Variants in DMD observed in about 807,000 individuals in gnomAD.
DMD encodes the protein dystrophin, also known as mutant dystrophin.
DMD carries 63 observed loss-of-function variants against 330.1 expected under a neutral mutation model. That is an observed-to-expected ratio of 0.19 (90% confidence interval 0.16 to 0.24). DMD has a LOEUF of 0.24. Among genes scored for constraint, DMD ranks in the 10% least tolerant of loss-of-function variants. DMD has a pLI of 1.00. For missense variants in DMD, 3,344 were observed against 2,684.1 expected (o/e 1.25, Z -5.43); for synonymous variants, 1,223 against 959.8 (o/e 1.27, Z -5.07).
intron 47 of DMD, among the ~76,000 whole-genome samples, chrX:31,889,655 A>T (rs1277903500): frequency 1.3e-5 from 1 of 74,861 alleles, no homozygotes; most frequent in Non-Finnish European, 2.7e-5. Context: ...TCTCACACAC[A>T]CACACACACA....
At chrX:32,606,660 C>A (rs1481191334) in intron 12 of DMD, among the ~76,000 whole-genome samples, 2 of 107,918 alleles carry the variant, frequency 1.9e-5, no homozygotes, top group African/African-American at 6.7e-5. Context: ...CCTAAGCGTC[C>A]ATCAGTAAAT....
At chrX:33,046,258 A>AAGAT (rs2094380227) in intron 1 of DMD, among the ~76,000 whole-genome samples, 1 of 111,118 alleles carries the variant, frequency 9.0e-6, no homozygotes, top group South Asian at 3.8e-4. Context: ...CTGTTAAATT[A>AAGAT]AAAGAGGAAC....
chrX:31,399,794 CATT>C (rs2061106388), intron 60 of DMD, among the ~76,000 whole-genome samples: 1 of 111,411 alleles, frequency 9.0e-6, no homozygotes, highest in African/African-American at 3.3e-5. Context: ...AAGGCCAAAT[CATT>C]AATAGTCACT....
intron 55 of DMD, among the ~76,000 whole-genome samples, chrX:31,519,214 T>C (rs773026281): frequency 1.8e-5 from 2 of 112,272 alleles, no homozygotes; most frequent in East Asian, 5.6e-4. Context: ...GTGCAATTTG[T>C]CTATATTACA....
intron 44 of DMD, among the ~76,000 whole-genome samples, chrX:32,138,970 A>G (rs1056251627): frequency 3.6e-5 from 4 of 112,607 alleles, no homozygotes; most frequent in Non-Finnish European, 7.5e-5. Flanking sequence ...CGACTAACTT[A>G]GACCACTGGA....
rs12013579 is a variant in DMD at position 32,632,199 on chromosome X, A to C, written c.1331+11933T>G. On this transcript the variant is annotated intron_variant, in intron 11 of 78. Transcript: ENST00000357033. ...CCCAGCAGGGTAGTCATTAAATCTT[A>C]AAACTCCAAAATTATCTGCTTTGAC... Among the ~76,000 whole-genome samples, 453 of 112,176 alleles carry C rather than the reference A, an allele frequency of 4.0e-3. 4 individuals are homozygous for C. The highest frequency in any genetic ancestry group is 0.014 in the African/African-American group (440 of 30,834).
At chrX:32,683,477 G>C (rs936311993) in intron 9 of DMD, among the ~76,000 whole-genome samples, 1 of 109,147 alleles carries the variant, frequency 9.2e-6, no homozygotes, top group Non-Finnish European at 1.9e-5. Flanking sequence ...AAAAGGATGA[G>C]TTCATGTCCT....
intron 47 of DMD, among the ~76,000 whole-genome samples, chrX:31,909,194 C>T (rs1472771061): frequency 8.9e-6 from 1 of 111,988 alleles, no homozygotes; most frequent in East Asian, 2.8e-4. Flanking sequence ...TTCACCCTTA[C>T]GTTCCTTTGA....
intron 44 of DMD, among the ~76,000 whole-genome samples, chrX:32,070,890 G>A (rs902751827): frequency 1.8e-5 from 2 of 111,171 alleles, no homozygotes; most frequent in South Asian, 3.8e-4. Context: ...TGTGATGGGT[G>A]CACCAGGATC....
At chrX:31,326,762 T>C (rs2148326521) in intron 61 of DMD, among the ~76,000 whole-genome samples, 1 of 111,674 alleles carries the variant, frequency 9.0e-6, no homozygotes, top group South Asian at 3.8e-4. Context: ...TCTTAAGGGT[T>C]GTCGACAATT....
intron 44 of DMD, among the ~76,000 whole-genome samples, chrX:32,195,747 G>A (rs1465557790): frequency 9.0e-6 from 1 of 111,695 alleles, no homozygotes; most frequent in Non-Finnish European, 1.9e-5. Flanking sequence ...AGAAGCCAGT[G>A]AGCTTCAACA....
rs1299127103 is a variant in DMD at position 33,118,083 on chromosome X, A to T, written c.31+93199T>A. On this transcript the variant is annotated intron_variant, in intron 1 of 78. Coordinates refer to ENST00000357033, the MANE Select transcript of DMD (RefSeq NM_004006.3). ...TCCTATACTTGGCTGAGGATATCAGATGTGTTCAGGCTGAACAAGTTCAAG... is the reference window on the plus strand; with the variant it reads ...TCCTATACTTGGCTGAGGATATCAGTTGTGTTCAGGCTGAACAAGTTCAAG... Among the ~76,000 whole-genome samples, 3 of 105,816 alleles carry T rather than the reference A, an allele frequency of 2.8e-5. No individual in the cohort carries two copies. The Admixed American group carries it at 3.2e-4, about 11-fold the overall frequency. 91.9% of individuals were successfully genotyped at this position (105,816 alleles called of 115,157 possible).
rs182678416 is a variant in DMD, at chrX:32,409,889, C to A, written c.4233+1863G>T. ...CATTCCTATCATGCATTTTACTAAACCCTGCCGTGGTAGACACACTAAATA... is the reference window on the plus strand; with the variant it reads ...CATTCCTATCATGCATTTTACTAAAACCTGCCGTGGTAGACACACTAAATA... On this transcript the variant is annotated intron_variant, in intron 30 of 78. Transcript: ENST00000357033. 2.8e-3 allele frequency among the ~76,000 whole-genome samples: 311 copies of A among 111,438 alleles called. 1 individual carries two copies. Among genetic ancestry groups the A allele is most frequent in the African/African-American group, 9.7e-3 (298 of 30,786 alleles).
Position 32,289,726 on chromosome X carries a change from T to A in DMD, c.6118-2025A>T, listed in dbSNP as rs1463579531. On this transcript the variant is annotated intron_variant, in intron 42 of 78. Coordinates refer to ENST00000357033, the MANE Select transcript of DMD (RefSeq NM_004006.3). ...CACTCCTAGCAGTGCCATGACAGGTTACAAATGCATGGCAATGTCAAGAAG... is the reference window on the plus strand; with the variant it reads ...CACTCCTAGCAGTGCCATGACAGGTAACAAATGCATGGCAATGTCAAGAAG... Among the ~76,000 whole-genome samples, 3 of 111,673 alleles carry A rather than the reference T, an allele frequency of 2.7e-5. No homozygotes were observed. The East Asian group carries it at 8.5e-4, about 32-fold the overall frequency.
intron 29 of DMD, among the ~76,000 whole-genome samples, chrX:32,416,296 T>C (rs931763123): frequency 1.8e-5 from 2 of 112,299 alleles, no homozygotes; most frequent in Non-Finnish European, 3.8e-5. Context: ...TATGAGGTGA[T>C]GGGTAAGCTT....
At chrX:32,728,957 A>G (rs1334413032) in intron 7 of DMD, among the ~76,000 whole-genome samples, 1 of 112,010 alleles carries the variant, frequency 8.9e-6, no homozygotes, top group Non-Finnish European at 1.9e-5. Context: ...CTCAGTGTCT[A>G]CCATTTTCCA....
chrX:31,747,966 G>A (rs1403627916), intron 51 of DMD, among the ~76,000 whole-genome samples: 1 of 111,927 alleles, frequency 8.9e-6, no homozygotes, highest in Non-Finnish European at 1.9e-5. Context: ...ATTTGTATAA[G>A]GTGAGCAAAA....
At chrX:32,295,632 G>A (rs2097492271) in intron 42 of DMD, among the ~76,000 whole-genome samples, 1 of 112,187 alleles carries the variant, frequency 8.9e-6, no homozygotes, top group Admixed American at 9.4e-5. Context: ...AAGTGTTGTG[G>A]AGTATGTGTC....
chrX:32,138,142 A>G (rs979436766), intron 44 of DMD, among the ~76,000 whole-genome samples: 4 of 110,635 alleles, frequency 3.6e-5, no homozygotes, highest in Non-Finnish European at 7.6e-5. Context: ...TGATTCCACA[A>G]AGCTGTTTGA....
Sources: gnomAD v4.1 joint callset for allele counts (sites outside exome capture counted in the v4.1 genomes callset) on GRCh38, gnomAD v4.1.1 for gene constraint, MANE v1.5 for transcripts, NCBI Gene and HGNC (gene_info 2026-07-23, HGNC 2026-07-21) for gene names.